Variants in TBX15 observed in about 807,000 individuals in gnomAD.
The protein encoded by TBX15 is T-box transcription factor TBX15.
Under a neutral mutation model 53.9 loss-of-function variants are expected in TBX15, and 18 were observed. The ratio of observed to expected loss-of-function variants is 0.33; its 90% CI spans 0.23 to 0.49. TBX15 has a LOEUF of 0.49. Ranked by LOEUF, TBX15 falls within the 20% of genes least tolerant of loss-of-function variation. The probability of loss-of-function intolerance (pLI) is 0.98; values close to 1 mark genes in which losing one functional copy is unlikely to be tolerated. For missense variants in TBX15, 692 were observed against 749.5 expected (o/e 0.92, Z 0.90); for synonymous variants, 295 against 278.0 (o/e 1.06, Z -0.61).
intron 7 of TBX15, among the ~76,000 whole-genome samples, chr1:118,895,750 T>C (rs1654401482): frequency 6.6e-6 from 1 of 150,536 alleles, no homozygotes; most frequent in African/African-American, 2.5e-5. Context: ...ATACTTGACT[T>C]ATAAAAAAAA....
intron 1 of TBX15, among the ~76,000 whole-genome samples, chr1:118,945,515 A>T (rs902285883): frequency 6.6e-6 from 1 of 152,126 alleles, no homozygotes; most frequent in East Asian, 1.9e-4. Context: ...CTTTTTCTCA[A>T]TTGACCCCAA....
At chr1:118,933,734 T>C (rs1655877302) in intron 1 of TBX15, among the ~76,000 whole-genome samples, 1 of 152,272 alleles carries the variant, frequency 6.6e-6, no homozygotes, top group South Asian at 2.1e-4. Context: ...AATCCTATTT[T>C]GTGTCTGGGA....
Position 118,971,198 on chromosome 1 carries a change from C to T in TBX15, c.205+16393G>A, listed in dbSNP as rs142907322. On this transcript the variant is annotated intron_variant, in intron 1 of 7. Coordinates refer to ENST00000369429, the MANE Select transcript of TBX15 (RefSeq NM_001330677.2). ...CATCAGGCAAAAGCTCCAAAAAAGA[C>T]TCCATGAGCATTCAACAATTTCTAT... Among the ~76,000 whole-genome samples, 108 of 152,324 alleles carry T rather than the reference C, an allele frequency of 7.1e-4. 1 individual carries two copies. The highest frequency in any genetic ancestry group is 2.6e-3 in the African/African-American group (106 of 41,560).
intron 5 of TBX15, among the ~76,000 whole-genome samples, chr1:118,916,231 G>C (rs1051778349): frequency 2.0e-5 from 3 of 152,270 alleles, no homozygotes; most frequent in Admixed American, 2.0e-4. Context: ...AGGTCATAAA[G>C]TTCACAATAA....
chr1:118,978,955 T>C (rs1434247643), intron 1 of TBX15, among the ~76,000 whole-genome samples: 1 of 152,160 alleles, frequency 6.6e-6, no homozygotes, highest in Non-Finnish European at 1.5e-5. Flanking sequence ...CTCCCCACTG[T>C]GAAAATCAGT....
At chr1:118,909,392 A>T in intron 6 of TBX15, among the ~76,000 whole-genome samples, 1 of 152,208 alleles carries the variant, frequency 6.6e-6, no homozygotes, top group Non-Finnish European at 1.5e-5. Context: ...TAATGAAAAG[A>T]CAGCTGGGAA....
chr1:118,972,751 C>A (rs1657273017), intron 1 of TBX15, among the ~76,000 whole-genome samples: 2 of 152,092 alleles, frequency 1.3e-5, no homozygotes, highest in East Asian at 1.9e-4. Context: ...GGGTGCCCAC[C>A]ACCACACCCA....
intron 6 of TBX15, among the ~76,000 whole-genome samples, chr1:118,911,658 T>A (rs745670878): frequency 6.6e-6 from 1 of 152,222 alleles, no homozygotes; most frequent in Non-Finnish European, 1.5e-5. Flanking sequence ...CACTAGCTTA[T>A]CTAGCCTACT....
intron 7 of TBX15, among the ~76,000 whole-genome samples, chr1:118,897,175 T>C (rs1284635335): frequency 6.6e-6 from 1 of 152,206 alleles, no homozygotes; most frequent in Non-Finnish European, 1.5e-5. Flanking sequence ...GCTTCCTGTG[T>C]CTGTGCCTGC....
chr1:118,926,631 A>G lies in TBX15; in HGVS notation c.420-20T>C. On this transcript the variant is annotated intron_variant, in intron 2 of 7. Transcript: ENST00000369429. ...ATCCTCCTATGAAGATGAATAAAAC[A>G]GAAAGCTCAGAAATCAGGGTGGGAG... 7 of 1,601,422 alleles carry G rather than the reference A, an allele frequency of 4.4e-6. No homozygotes were observed. The highest frequency in any genetic ancestry group is 1.1e-5 in the South Asian group (1 of 90,450).
intron 1 of TBX15, among the ~76,000 whole-genome samples, chr1:118,942,084 A>C (rs1052748478): frequency 6.6e-6 from 1 of 152,214 alleles, no homozygotes; most frequent in Non-Finnish European, 1.5e-5. Flanking sequence ...ACAAAATCCT[A>C]TGGGAGTTTA....
At chr1:118,958,979 A>T (rs917267636) in intron 1 of TBX15, among the ~76,000 whole-genome samples, 1 of 151,274 alleles carries the variant, frequency 6.6e-6, no homozygotes, top group Admixed American at 6.6e-5. Context: ...GAGGCTCTCT[A>T]ATTTGGGAAG....
In TBX15 at chr1:118,915,574, G is replaced by A. The variant is rs181947158; in HGVS notation, c.862-1395C>T. ...TTATAGACCATAGCAGGAGTCTAAA[G>A]GTTTGGCTTTCTAAAGTCGAGTGTC... On this transcript the variant is annotated intron_variant, in intron 5 of 7. Transcript: ENST00000369429. Among the ~76,000 whole-genome samples, 12 of 152,296 alleles carry A rather than the reference G, an allele frequency of 7.9e-5. No individual in the cohort carries two copies. In the East Asian group the frequency reaches 1.4e-3, roughly 17 times the overall value.
intron 1 of TBX15, among the ~76,000 whole-genome samples, chr1:118,953,114 T>C (rs1012955655): frequency 6.6e-6 from 1 of 152,030 alleles, no homozygotes; most frequent in Non-Finnish European, 1.5e-5. Flanking sequence ...CAACTAACAG[T>C]ATTCTCTTTA....
chr1:118,956,617 ACAT>A (rs1212933848), intron 1 of TBX15, among the ~76,000 whole-genome samples: 3 of 152,214 alleles, frequency 2.0e-5, no homozygotes, highest in Non-Finnish European at 4.4e-5. Context: ...AAAAATAACC[ACAT>A]CATCAGAGAG....
At chr1:118,894,601 G>A (rs1313728186) in intron 7 of TBX15, among the ~76,000 whole-genome samples, 1 of 152,100 alleles carries the variant, frequency 6.6e-6, no homozygotes, top group Non-Finnish European at 1.5e-5. Context: ...AGTGCAGAGT[G>A]GCATGGTAAC....
chr1:118,902,179 G>C lies in TBX15; in HGVS notation c.927-3054C>G, dbSNP rs529328346. Among the ~76,000 whole-genome samples the C allele has an allele frequency of 1.7e-4, 26 of 152,086 alleles. No homozygotes were observed. The East Asian group carries it at 4.6e-3, about 27-fold the overall frequency. ...ATTATTGATTTTATTTATGTATTCA[G>C]TGTGTATTGCTTTTTAGAAAAATTA... On this transcript the variant is annotated intron_variant, in intron 6 of 7. Coordinates refer to ENST00000369429, the MANE Select transcript of TBX15 (RefSeq NM_001330677.2).
At chr1:118,927,252 T>C (rs895570847) in intron 2 of TBX15, among the ~76,000 whole-genome samples, 1 of 152,224 alleles carries the variant, frequency 6.6e-6, no homozygotes, top group Non-Finnish European at 1.5e-5. Context: ...AGTTGTGATA[T>C]AAATGTATGC....
At chr1:118,887,078 C>G (rs1043629210) in intron 7 of TBX15, among the ~76,000 whole-genome samples, 3 of 152,202 alleles carry the variant, frequency 2.0e-5, no homozygotes, top group Non-Finnish European at 2.9e-5. Flanking sequence ...CTGTCTCATC[C>G]AATGGAAGTT....
Sources: allele counts gnomAD v4.1 joint callset (sites outside exome capture counted in the v4.1 genomes callset), GRCh38; gene constraint gnomAD v4.1.1; transcripts MANE v1.5; gene names NCBI Gene and HGNC (gene_info 2026-07-23, HGNC 2026-07-21).